The following APBB2 variants were observed in gnomAD, a reference collection of about 807,000 sequenced individuals.
The protein encoded by APBB2 is amyloid beta precursor protein binding family B member 2, also known as Fe65-like 1.
Under a neutral mutation model 82.5 loss-of-function variants are expected in APBB2, and 38 were observed. That is an observed-to-expected ratio of 0.46 (90% CI 0.36 to 0.60). The LOEUF (loss-of-function observed/expected upper bound fraction) is 0.60, where lower values mean the gene tolerates loss of function less well. Ranked by LOEUF, APBB2 falls within the 20% of genes least tolerant of loss-of-function variation. The pLI is 0.00. For synonymous variants in APBB2, 341 were observed against 368.2 expected (o/e 0.93, Z 0.85); for missense variants, 772 against 972.3 (o/e 0.79, Z 2.74).
intron 10 of APBB2, among the ~76,000 whole-genome samples, chr4:40,932,235 G>A (rs1784386036): frequency 6.6e-6 from 1 of 152,348 alleles, no homozygotes; most frequent in Non-Finnish European, 1.5e-5. Flanking sequence ...AGCCTTTGCT[G>A]ATAGAATTTG....
intron 3 of APBB2, among the ~76,000 whole-genome samples, chr4:41,069,045 C>T (rs371174728): frequency 1.7e-4 from 26 of 152,234 alleles, no homozygotes; most frequent in Admixed American, 3.9e-4. Flanking sequence ...CTGCCCGCCT[C>T]GGCCTCCCAA....
chr4:41,197,566 G>A, intron 1 of APBB2, among the ~76,000 whole-genome samples: 2 of 152,102 alleles, frequency 1.3e-5, no homozygotes, highest in African/African-American at 4.8e-5. Flanking sequence ...TTCAATCCTG[G>A]CTCCAGAGTC....
intron 3 of APBB2, among the ~76,000 whole-genome samples, chr4:41,073,010 T>C (rs1281646244): frequency 1.3e-5 from 2 of 152,234 alleles, no homozygotes; most frequent in African/African-American, 2.4e-5. Context: ...TACACCTTAA[T>C]TAAGTGGTAA....
intron 3 of APBB2, among the ~76,000 whole-genome samples, chr4:41,099,899 A>G (rs1006400826): frequency 2.0e-5 from 3 of 152,192 alleles, no homozygotes; most frequent in African/African-American, 7.2e-5. Context: ...TATTTTGCAT[A>G]TATTGTTACG....
chr4:41,074,244 T>C (rs1655263199), intron 3 of APBB2, among the ~76,000 whole-genome samples: 1 of 152,092 alleles, frequency 6.6e-6, no homozygotes, highest in South Asian at 2.1e-4. Flanking sequence ...GAGCTGTTCT[T>C]CCCCAAGCTC....
At chr4:40,837,325 A>G (rs549318709) in intron 12 of APBB2, among the ~76,000 whole-genome samples, 5 of 152,216 alleles carry the variant, frequency 3.3e-5, no homozygotes, top group Non-Finnish European at 5.9e-5. Context: ...TCAGGTTGGG[A>G]GCCCTTGAGG....
chr4:41,103,353 T>C (rs1041746224), intron 2 of APBB2, among the ~76,000 whole-genome samples: 2 of 152,186 alleles, frequency 1.3e-5, no homozygotes, highest in Non-Finnish European at 2.9e-5. Flanking sequence ...ACAAAATGAA[T>C]GGAATTACTT....
At chr4:40,915,873 C>G (rs976482373) in intron 10 of APBB2, among the ~76,000 whole-genome samples, 1 of 152,168 alleles carries the variant, frequency 6.6e-6, no homozygotes, top group Middle Eastern at 3.4e-3. Context: ...AAATCCAAGT[C>G]CTGAGAGCAT....
At chr4:41,202,844 G>C (rs1777024231) in intron 1 of APBB2, among the ~76,000 whole-genome samples, 1 of 152,190 alleles carries the variant, frequency 6.6e-6, no homozygotes. Flanking sequence ...GCACTGTATT[G>C]TTAATAACTG....
At chr4:40,834,864 A>C (rs1286119947) in intron 12 of APBB2, among the ~76,000 whole-genome samples, 1 of 152,216 alleles carries the variant, frequency 6.6e-6, no homozygotes, top group Non-Finnish European at 1.5e-5. Context: ...AAAAGAATCA[A>C]GTGGCGTGGC....
At chr4:41,009,958 G>A (rs1273553594) in intron 6 of APBB2, among the ~76,000 whole-genome samples, 2 of 152,136 alleles carry the variant, frequency 1.3e-5, no homozygotes, top group Admixed American at 6.5e-5. Flanking sequence ...ATGTTTCACA[G>A]GAAGGATGAA....
intron 12 of APBB2, among the ~76,000 whole-genome samples, chr4:40,873,441 A>G (rs1001694060): frequency 2.0e-5 from 3 of 152,342 alleles, no homozygotes; most frequent in Admixed American, 6.5e-5. Context: ...TCTTACGTCA[A>G]TGAAGAAGAC....
At chr4:41,156,209 A>G (rs1044851800) in intron 1 of APBB2, among the ~76,000 whole-genome samples, 2 of 152,228 alleles carry the variant, frequency 1.3e-5, no homozygotes, top group Non-Finnish European at 2.9e-5. Context: ...GGAGAAGAAC[A>G]GGAGGAAGAA....
At chr4:40,860,408 G>A (rs1308691610) in intron 12 of APBB2, among the ~76,000 whole-genome samples, 3 of 152,200 alleles carry the variant, frequency 2.0e-5, no homozygotes, top group Admixed American at 2.0e-4. Flanking sequence ...CCAAGGCTTG[G>A]ATGAACTTCC....
intron 1 of APBB2, among the ~76,000 whole-genome samples, chr4:41,190,890 A>G (rs1774238653): frequency 6.6e-6 from 1 of 152,254 alleles, no homozygotes; most frequent in African/African-American, 2.4e-5. Context: ...CTTTGAAGAA[A>G]TGGACCAACG....
Position 40,824,563 on chromosome 4 carries a change from C to CT in APBB2, c.1817-805dup, listed in dbSNP as rs377130712. On this transcript the variant is annotated intron_variant, in intron 15 of 17. Transcript: ENST00000508593. ...AGTGCAGTGGTACAATCACGGCTCA[C>CT]TGTAGCCTCAGCCTCCCAGGCTCAG... 5.6e-4 allele frequency among the ~76,000 whole-genome samples: 85 copies of CT among 152,338 alleles called. 2 individuals are homozygous for CT. The highest frequency in any genetic ancestry group is 1.7e-3 in the African/African-American group (70 of 41,576).
At position 40,875,858 on chromosome 4, in the gene APBB2, C is replaced by A. The variant is rs188182451; in HGVS notation, c.1529+14506G>T. ...ATTTCATTGCCAGTAGAACATTAAC[C>A]AGTTTTGTATCCACCTTAGTCATCT... On this transcript the variant is annotated intron_variant, in intron 12 of 17. Coordinates refer to ENST00000508593, the MANE Select transcript of APBB2 (RefSeq NM_004307.2). Among the ~76,000 whole-genome samples the A allele has an allele frequency of 3.9e-5, 6 of 151,922 alleles. No homozygotes were observed. In the East Asian group the frequency reaches 1.2e-3, roughly 29 times the overall value.
At chr4:41,134,603 T>C (rs1251303189) in intron 2 of APBB2, among the ~76,000 whole-genome samples, 3 of 152,122 alleles carry the variant, frequency 2.0e-5, no homozygotes, top group Admixed American at 1.3e-4. Context: ...TTTAAATTAG[T>C]GGGTGTAAGA....
chr4:40,907,037 T>TA (rs1235753988), intron 10 of APBB2, among the ~76,000 whole-genome samples: 3 of 152,232 alleles, frequency 2.0e-5, no homozygotes, highest in African/African-American at 7.2e-5. Flanking sequence ...TAGGTACAGA[T>TA]AGACATACAT....
Sources: gnomAD v4.1 joint callset for allele counts (sites outside exome capture counted in the v4.1 genomes callset) on GRCh38, gnomAD v4.1.1 for gene constraint, MANE v1.5 for transcripts, NCBI Gene and HGNC (gene_info 2026-07-23, HGNC 2026-07-21) for gene names.